Variants in ATXN1 observed in about 807,000 individuals in gnomAD.
ATXN1 encodes the protein ataxin-1.
In ATXN1, 8 loss-of-function variants were observed where a neutral mutation model predicts 56.4. The observed-to-expected ratio is 0.14, with a 90% CI of 0.08 to 0.26. The LOEUF is 0.26. Among genes scored for constraint, ATXN1 ranks in the 10% least tolerant of loss-of-function variants. ATXN1 has a pLI of 1.00. For missense variants in ATXN1, 987 were observed against 1,106.5 expected (o/e 0.89, Z 1.53); for synonymous variants, 514 against 494.6 (o/e 1.04, Z -0.52).
Position 16,336,523 on chromosome 6 carries a change from C to A in ATXN1, c.-160-8053G>T, listed in dbSNP as rs531966358. Among the ~76,000 whole-genome samples the A allele has an allele frequency of 3.3e-5, 5 of 152,220 alleles. 1 individual carries two copies. In the East Asian group the frequency reaches 9.7e-4, roughly 29 times the overall value. ...GCTCAGCAGCCAAGTTCAAGACCAC[C>A]CACCCAATTGTGATCCAGGCCATAG... is the stretch of plus-strand genomic sequence containing the variant. On this transcript the variant is annotated intron_variant, in intron 6 of 7. Transcript: ENST00000436367.
At chr6:16,524,095 G>A (rs1047681004) in intron 4 of ATXN1, among the ~76,000 whole-genome samples, 2 of 152,136 alleles carry the variant, frequency 1.3e-5, no homozygotes, top group African/African-American at 2.4e-5. Context: ...ATCAGAGGAC[G>A]TGGACGGCAT....
At chr6:16,534,857 T>G (rs1761568531) in intron 4 of ATXN1, among the ~76,000 whole-genome samples, 1 of 152,250 alleles carries the variant, frequency 6.6e-6, no homozygotes, top group African/African-American at 2.4e-5. Flanking sequence ...CAGCTTTCTT[T>G]GAATGCTCTT....
intron 3 of ATXN1, among the ~76,000 whole-genome samples, chr6:16,635,282 G>T (rs988850716): frequency 6.6e-6 from 1 of 152,134 alleles, no homozygotes; most frequent in Non-Finnish European, 1.5e-5. Flanking sequence ...GGATCTCACT[G>T]ATTCTACATT....
chr6:16,350,696 T>A (rs1275310240), intron 6 of ATXN1, among the ~76,000 whole-genome samples: 1 of 152,200 alleles, frequency 6.6e-6, no homozygotes, highest in African/African-American at 2.4e-5. Flanking sequence ...AAATGATCTA[T>A]GTGATATCTG....
At chr6:16,613,685 C>T (rs1013409232) in intron 3 of ATXN1, among the ~76,000 whole-genome samples, 2 of 151,870 alleles carry the variant, frequency 1.3e-5, no homozygotes, top group Non-Finnish European at 2.9e-5. Context: ...GAAAAAGAGC[C>T]AGGCATAGTG....
chr6:16,346,641 A>G (rs1000090808), intron 6 of ATXN1, among the ~76,000 whole-genome samples: 14 of 152,176 alleles, frequency 9.2e-5, no homozygotes, highest in African/African-American at 3.1e-4. Flanking sequence ...AAAGTCTTTC[A>G]ATTTTCTCTC....
chr6:16,550,564 G>A (rs1250595107), intron 4 of ATXN1, among the ~76,000 whole-genome samples: 5 of 152,196 alleles, frequency 3.3e-5, no homozygotes, highest in African/African-American at 9.7e-5. Flanking sequence ...ATGCATAATA[G>A]TTGCAGAATA....
At chr6:16,570,545 A>G (rs574756260) in intron 4 of ATXN1, among the ~76,000 whole-genome samples, 11 of 152,352 alleles carry the variant, frequency 7.2e-5, no homozygotes, top group African/African-American at 2.6e-4. Flanking sequence ...AACTAGGATC[A>G]TATCACTTTT....
intron 3 of ATXN1, among the ~76,000 whole-genome samples, chr6:16,614,689 GA>G (rs35840871): frequency 9.2e-5 from 14 of 151,798 alleles, no homozygotes; most frequent in East Asian, 3.9e-4. Flanking sequence ...TTGGGAGGCT[GA>G]AGCGGGTGGA....
At chr6:16,594,945 A>T (rs1762788819) in intron 3 of ATXN1, among the ~76,000 whole-genome samples, 1 of 152,224 alleles carries the variant, frequency 6.6e-6, no homozygotes, top group African/African-American at 2.4e-5. Context: ...CTAATGACTT[A>T]GATTGGACTG....
intron 7 of ATXN1, among the ~76,000 whole-genome samples, chr6:16,324,954 C>A (rs1760767955): frequency 6.6e-6 from 1 of 152,124 alleles, no homozygotes; most frequent in South Asian, 2.1e-4. Flanking sequence ...TATAGTCTCT[C>A]CTAGGATTAG....
intron 6 of ATXN1, among the ~76,000 whole-genome samples, chr6:16,423,605 G>A (rs1421520482): frequency 6.6e-6 from 1 of 152,192 alleles, no homozygotes; most frequent in African/African-American, 2.4e-5. Context: ...TGAGGTGGAG[G>A]CCTAGAGAGA....
rs182294837 is a variant in ATXN1, at chr6:16,559,814, G to C, written c.-361+25966C>G. ...CTGAAATATAAAAGGAGCAAAGTAC[G>C]TGGTCTAATTTTGGATAGCTTTGTT... On this transcript the variant is annotated intron_variant, in intron 4 of 7. Coordinates refer to ENST00000436367, the MANE Select transcript of ATXN1 (RefSeq NM_001128164.2). 1.8e-4 allele frequency among the ~76,000 whole-genome samples: 28 copies of C among 152,172 alleles called. No individual in the cohort carries two copies. In the East Asian group the frequency reaches 5.4e-3, roughly 29 times the overall value.
chr6:16,388,825 A>T (rs1156859985), intron 6 of ATXN1, among the ~76,000 whole-genome samples: 2 of 152,230 alleles, frequency 1.3e-5, no homozygotes, highest in Non-Finnish European at 2.9e-5. Flanking sequence ...TGTAAAGCTA[A>T]TTCATAGGCT....
At chr6:16,639,695 C>A (rs927889272) in intron 3 of ATXN1, among the ~76,000 whole-genome samples, 3 of 152,216 alleles carry the variant, frequency 2.0e-5, no homozygotes, top group African/African-American at 7.2e-5. Flanking sequence ...ATTGTTCTAA[C>A]AGAAATCTGA....
At chr6:16,484,502 T>C (rs892652726) in intron 6 of ATXN1, among the ~76,000 whole-genome samples, 1 of 152,132 alleles carries the variant, frequency 6.6e-6, no homozygotes, top group Non-Finnish European at 1.5e-5. Context: ...TATTGTTTTA[T>C]GGGGGCTCGC....
chr6:16,336,424 A>G (rs1370773083), intron 6 of ATXN1, among the ~76,000 whole-genome samples: 1 of 152,164 alleles, frequency 6.6e-6, no homozygotes, highest in African/African-American at 2.4e-5. Flanking sequence ...TCAGTAAGGA[A>G]GAGACTGATC....
intron 6 of ATXN1, among the ~76,000 whole-genome samples, chr6:16,449,755 T>C (rs1759715547): frequency 6.6e-6 from 1 of 152,220 alleles, no homozygotes; most frequent in Non-Finnish European, 1.5e-5. Flanking sequence ...TATCCTGAGC[T>C]TGCAAGGTAA....
chr6:16,481,417 T>C (rs929127456), intron 6 of ATXN1, among the ~76,000 whole-genome samples: 3 of 152,150 alleles, frequency 2.0e-5, no homozygotes, highest in Non-Finnish European at 2.9e-5. Flanking sequence ...AGTCTGGAGA[T>C]TCAGAGTAAG....
Sources: gnomAD v4.1 joint callset for allele counts (sites outside exome capture counted in the v4.1 genomes callset) on GRCh38, gnomAD v4.1.1 for gene constraint, MANE v1.5 for transcripts, NCBI Gene and HGNC (gene_info 2026-07-23, HGNC 2026-07-21) for gene names.